The following NCAPH variants were observed in gnomAD, a reference collection of about 807,000 sequenced individuals.
The protein encoded by NCAPH is condensin complex subunit 2.
NCAPH carries 38 observed loss-of-function variants against 85.5 expected under a neutral mutation model. The ratio of observed to expected loss-of-function variants is 0.44; its 90% CI spans 0.34 to 0.58. NCAPH has a LOEUF of 0.58. Ranked by LOEUF, NCAPH falls within the 20% of genes least tolerant of loss-of-function variation. The probability of loss-of-function intolerance (pLI) is 0.01; values close to 1 mark genes in which losing one functional copy is unlikely to be tolerated. For synonymous variants in NCAPH, 301 were observed against 335.1 expected, an observed-to-expected ratio of 0.90 and a Z score of 1.11; for missense variants, 789 against 916.6, an observed-to-expected ratio of 0.86 and a Z score of 1.80.
intron 15 of NCAPH, among the ~76,000 whole-genome samples, chr2:96,368,385 A>G (rs1028359037): frequency 1.3e-5 from 2 of 152,190 alleles, no homozygotes; most frequent in African/African-American, 2.4e-5. Context: ...GGCTGGGCAC[A>G]GTGGCTCATG....
Position 96,351,828 on chromosome 2 carries a change from C to T in NCAPH, c.721-3C>T. 6.3e-7 allele frequency: 1 copy of T among 1,591,262 alleles called. No homozygotes were observed. Among genetic ancestry groups the T allele is most frequent in the Non-Finnish European group, 8.5e-7 (1 of 1,170,590 alleles). On this transcript the variant is annotated splice_region_variant and splice_polypyrimidine_tract_variant and intron_variant, in intron 6 of 17. Coordinates refer to ENST00000240423, the MANE Select transcript of NCAPH (RefSeq NM_015341.5). ...CTTCAGTTTCTTCTCTCTCTGTGTT[C>T]AGATTGATCCCATGTTTCAGAAGAC...
intron 12 of NCAPH, among the ~76,000 whole-genome samples, chr2:96,362,796 G>A (rs567560940): frequency 6.6e-6 from 1 of 152,244 alleles, no homozygotes; most frequent in East Asian, 1.9e-4. Flanking sequence ...GATGAGCAAA[G>A]AACATTTTCT....
intron 6 of NCAPH, among the ~76,000 whole-genome samples, chr2:96,345,168 C>T (rs949515017): frequency 1.3e-5 from 2 of 152,138 alleles, no homozygotes; most frequent in Non-Finnish European, 2.9e-5. Context: ...ACCAGAAGAG[C>T]GTGGTATCCA....
In NCAPH at chr2:96,369,495, G is replaced by GAAA. The variant is rs1338317574; in HGVS notation, c.2163_2165dup (p.Lys722dup). ...TGCCTGTCTCCTACATTTAGCCAAT[G>GAAA]AAAAGGTAGGTAATTAAGGTAAGCA... On this transcript the variant is annotated inframe_insertion, in exon 17 of 18. Transcript: ENST00000240423. The GAAA allele has an allele frequency of 1.2e-6, 2 of 1,613,392 alleles. No individual in the cohort carries two copies. The highest frequency in any genetic ancestry group is 1.7e-6 in the Non-Finnish European group (2 of 1,179,336).
At chr2:96,348,743 T>C (rs757013280) in intron 6 of NCAPH, among the ~76,000 whole-genome samples, 15 of 151,632 alleles carry the variant, frequency 9.9e-5, no homozygotes, top group Non-Finnish European at 1.9e-4. Context: ...GCAACCTCTG[T>C]CTCCCCGGTT....
At position 96,352,095 on chromosome 2, in the gene NCAPH, T is replaced by C. The variant is rs1214549612; in HGVS notation, c.910+75T>C. On this transcript the variant is annotated intron_variant, in intron 7 of 17. Transcript: ENST00000240423. ...TTTTTTACATAACCATGGGGTACAA[T>C]AAGCCCATCATGCTCTTATGTTGCT... The C allele has an allele frequency of 5.8e-6, 8 of 1,375,020 alleles. No homozygotes were observed. The African/African-American group carries it at 1.2e-4, about 20-fold the overall frequency. The allele number at this position is 1,375,020 out of a possible 1,614,324, so 85.2% of individuals were successfully genotyped here. A position where few individuals can be genotyped will look rare whatever the true frequency, so the allele number is the denominator to read the frequency against.
chr2:96,345,497 G>A (rs189901056), intron 6 of NCAPH, among the ~76,000 whole-genome samples: 347 of 152,320 alleles, frequency 2.3e-3, no homozygotes, highest in African/African-American at 8.1e-3. Flanking sequence ...GCTGGGTGAC[G>A]CTCTCCTAAC....
In NCAPH at chr2:96,373,651, A is replaced by G. The variant is rs2064801976; in HGVS notation, c.*300A>G. 8.2e-6 allele frequency: 2 copies of G among 243,058 alleles called. No homozygotes were observed. The highest frequency in any genetic ancestry group is 1.6e-4 in the East Asian group (2 of 12,786). 15.1% of individuals were successfully genotyped at this position (243,058 alleles called of 1,614,324 possible). ...AAAACCTATATCCATTCTTTATATC[A>G]ATGTATAGTTTTAGTCTCCTAAATT... On this transcript the variant is annotated 3_prime_UTR_variant, in exon 18 of 18. Transcript: ENST00000240423.
rs908160989 is a variant in NCAPH, at chr2:96,340,383, CTTTTTTT to C, written c.20-1241_20-1235del. Among the ~76,000 whole-genome samples, 9 of 91,238 alleles carry C rather than the reference CTTTTTTT, an allele frequency of 9.9e-5. No homozygotes were observed. In the East Asian group the frequency reaches 2.3e-3, roughly 23 times the overall value. The allele number at this position is 91,238 out of a possible 152,430, so 59.9% of individuals were successfully genotyped here. On this transcript the variant is annotated intron_variant, in intron 1 of 17. Coordinates refer to ENST00000240423, the MANE Select transcript of NCAPH (RefSeq NM_015341.5). ...TAGGATGACTAATACTAATAAGCAT[CTTTTTTT>C]TTTTTTTTTTTTTTTTTGAGACGGA...
Position 96,343,240 on chromosome 2 carries a change from C to T in NCAPH, c.531C>T (p.Tyr177=), listed in dbSNP as rs764020492. Residue 177 remains tyrosine, a synonymous_variant, in exon 5 of 18, where the codon TAC becomes TAT. Coordinates refer to ENST00000240423, the MANE Select transcript of NCAPH (RefSeq NM_015341.5). ...VRVDAVHADV[Y]RVLGGLGKDA... ...TGGATGCCGTCCATGCCGATGTATA[C>T]AGAGTCCTTGGGGGGCTGGGCAAAG... 6.2e-7 allele frequency: 1 copy of T among 1,614,088 alleles called. No homozygotes were observed. The highest frequency in any genetic ancestry group is 1.1e-5 in the South Asian group (1 of 91,072).
In NCAPH at chr2:96,341,843, A is replaced by T; in HGVS notation, c.221A>T (p.Asp74Val). The T allele has an allele frequency of 6.2e-7, 1 of 1,613,298 alleles. No individual in the cohort carries two copies. The highest frequency in any genetic ancestry group is 8.5e-7 in the Non-Finnish European group (1 of 1,179,992). The part of the protein sequence containing the change: ...RLQRRRSRVF[D>V]LQFSTDSPRL... ...CAGCGGAGGCGCTCGAGGGTCTTTG[A>T]TCTGCAGTTCAGCACTGACTCACCT... The change falls in exon 2 of 18, where the codon GAT becomes GTT. Residue 74 changes from aspartate (D) to valine (V), a missense_variant. Asp to Val is a radical substitution (Grantham distance 152). Transcript: ENST00000240423.
rs1321315177 is a variant in NCAPH at position 96,361,826 on chromosome 2, ATATT to A, written c.1587+1118_1587+1121del. On this transcript the variant is annotated intron_variant, in intron 12 of 17. Coordinates refer to ENST00000240423, the MANE Select transcript of NCAPH (RefSeq NM_015341.5). Reference sequence around the variant, plus strand: ...TATGTGTATATATATATATATATATATATTTTTTTTTTTTTTTCCCTGAATTGAC... The same window carrying A: ...TATGTGTATATATATATATATATATATTTTTTTTTTTTTCCCTGAATTGAC... 1.7e-3 allele frequency among the ~76,000 whole-genome samples: 198 copies of A among 118,660 alleles called. 1 individual carries two copies. Among genetic ancestry groups the A allele is most frequent in the Non-Finnish European group, 2.3e-3 (135 of 58,414 alleles). 77.8% of individuals were successfully genotyped at this position (118,660 alleles called of 152,430 possible).
chr2:96,355,312 A>G (rs1254056336), intron 9 of NCAPH, among the ~76,000 whole-genome samples: 2 of 152,212 alleles, frequency 1.3e-5, no homozygotes, highest in African/African-American at 4.8e-5. Context: ...TAGAGTGAAC[A>G]GTCCCTCTGT....
chr2:96,360,783 C>T, intron 12 of NCAPH, 73 bp downstream of exon 12: 3 of 1,567,960 alleles, frequency 1.9e-6, no homozygotes, highest in Non-Finnish European at 2.6e-6. Context: ...TAGGCAGTGC[C>T]TTTGAGGAAA....
rs1367689732 is a variant in NCAPH, at chr2:96,374,090, A to G, written c.*739A>G. 1.3e-5 allele frequency among the ~76,000 whole-genome samples: 2 copies of G among 152,250 alleles called. No individual in the cohort carries two copies. The highest frequency in any genetic ancestry group is 3.8e-4 in the East Asian group (2 of 5,202). On this transcript the variant is annotated 3_prime_UTR_variant, in exon 18 of 18. Transcript: ENST00000240423. ...TGATAGTGATACTTGTCCCTTCTGT[A>G]CATTGCTTCATGTAGCCTTCTCAGC... is the stretch of plus-strand genomic sequence containing the variant.
Position 96,351,882 on chromosome 2 carries a change from G to T in NCAPH, c.772G>T (p.Ala258Ser), listed in dbSNP as rs1250853516. 1 of 1,614,018 alleles carries T rather than the reference G, an allele frequency of 6.2e-7. No homozygotes were observed. Among genetic ancestry groups the T allele is most frequent in the African/African-American group, 1.3e-5 (1 of 74,922 alleles). ...TAASFDECST[A>S]GVFLSTLHCQ... Reference sequence around the variant, plus strand: ...AGCCTCATTTGATGAGTGCAGCACAGCAGGGGTGTTTCTGTCCACTCTCCA... The same window carrying T: ...AGCCTCATTTGATGAGTGCAGCACATCAGGGGTGTTTCTGTCCACTCTCCA... The change falls in exon 7 of 18, where the codon GCA (alanine) becomes TCA (serine). Residue 258 changes from alanine to serine, a missense_variant. Transcript: ENST00000240423.
At position 96,373,824 on chromosome 2, in the gene NCAPH, T is replaced by A. The variant is rs1475742375; in HGVS notation, c.*473T>A. 6.6e-6 allele frequency: 1 copy of A among 151,304 alleles called. No individual in the cohort carries two copies. The highest frequency in any genetic ancestry group is 2.5e-5 in the African/African-American group (1 of 39,946). 9.4% of individuals were successfully genotyped at this position (151,304 alleles called of 1,614,324 possible). A position where few individuals can be genotyped will look rare whatever the true frequency, so the allele number is the denominator to read the frequency against. On this transcript the variant is annotated 3_prime_UTR_variant, in exon 18 of 18. Transcript: ENST00000240423. ...ATAGAATGCTCAAAAATAAAATTCT[T>A]AATAATAGAACTGGCAAAATATTTG...
chr2:96,351,481 T>C (rs1423418654), intron 6 of NCAPH, among the ~76,000 whole-genome samples: 1 of 152,008 alleles, frequency 6.6e-6, no homozygotes, highest in African/African-American at 2.4e-5. Context: ...CCAGCCTGGC[T>C]AATATGATGA....
intron 6 of NCAPH, among the ~76,000 whole-genome samples, chr2:96,350,880 C>T (rs942120729): frequency 6.6e-6 from 1 of 152,206 alleles, no homozygotes; most frequent in Non-Finnish European, 1.5e-5. Flanking sequence ...CTCAAGGTCA[C>T]CTGCAGAGTC....
Sources: allele counts gnomAD v4.1 joint callset (sites outside exome capture counted in the v4.1 genomes callset), GRCh38; gene constraint gnomAD v4.1.1; transcripts MANE v1.5; gene names NCBI Gene and HGNC (gene_info 2026-07-23, HGNC 2026-07-21).